The following IL33 variants were observed in gnomAD, a reference collection of about 807,000 sequenced individuals.
The protein encoded by IL33 is interleukin-33.
IL33 carries 37 observed loss-of-function variants against 27.3 expected under a neutral mutation model. The observed-to-expected ratio is 1.36, with a 90% confidence interval of 1.04 to 1.78. The LOEUF is 1.78. IL33 is among the 40% of genes most tolerant of loss of function. IL33 has a pLI of 0.00. For missense variants in IL33, 406 were observed against 311.4 expected, an observed-to-expected ratio of 1.30 and a Z score of -2.29; for synonymous variants, 132 against 102.9, an observed-to-expected ratio of 1.28 and a Z score of -1.71.
chr9:6,249,056 C>G (rs912051914), intron 2 of IL33, among the ~76,000 whole-genome samples: 1 of 152,142 alleles, frequency 6.6e-6, no homozygotes, highest in Admixed American at 6.6e-5. Flanking sequence ...TGTAAAAGCA[C>G]TAAAATATAA....
intron 1 of IL33, among the ~76,000 whole-genome samples, chr9:6,222,923 C>G (rs995402091): frequency 6.6e-6 from 1 of 151,852 alleles, no homozygotes; most frequent in African/African-American, 2.4e-5. Flanking sequence ...CTTTTTAATT[C>G]AGAAATATAT....
At chr9:6,235,936 CACT>C (rs1035348540) in intron 1 of IL33, among the ~76,000 whole-genome samples, 2 of 151,866 alleles carry the variant, frequency 1.3e-5, no homozygotes, top group Admixed American at 1.3e-4. Flanking sequence ...CCAGCAATTC[CACT>C]ACTAGGAGTT....
intron 1 of IL33, among the ~76,000 whole-genome samples, chr9:6,230,347 C>A (rs1818867429): frequency 6.6e-6 from 1 of 152,048 alleles, no homozygotes; most frequent in African/African-American, 2.4e-5. Context: ...CCCCAGGGTC[C>A]AGGAAAGTGG....
At chr9:6,254,603 CATGA>C (rs1816618715) in intron 7 of IL33, 50 bp downstream of exon 7, 1 of 1,084,618 alleles carries the variant, frequency 9.2e-7, no homozygotes, top group African/African-American at 1.6e-5. Context: ...ACAGAACTGT[CATGA>C]ATGACTCCAC....
At chr9:6,247,573 T>A (rs560540296) in intron 2 of IL33, among the ~76,000 whole-genome samples, 2 of 152,294 alleles carry the variant, frequency 1.3e-5, no homozygotes, top group Non-Finnish European at 2.9e-5. Flanking sequence ...TTAAATTAGC[T>A]ATGGGAATTT....
At chr9:6,225,204 G>A (rs533716398) in intron 1 of IL33, among the ~76,000 whole-genome samples, 44 of 152,256 alleles carry the variant, frequency 2.9e-4, no homozygotes, top group African/African-American at 8.9e-4. Context: ...AGTTTCATTG[G>A]TTCCTGGTGA....
In IL33 at chr9:6,238,753, C is replaced by T. The variant is rs147049843; in HGVS notation, c.-11-2931C>T. Among the ~76,000 whole-genome samples the T allele has an allele frequency of 6.3e-3, 951 of 152,154 alleles. 8 individuals carry two copies. Among genetic ancestry groups the T allele is most frequent in the African/African-American group, 0.022 (909 of 41,498 alleles). On this transcript the variant is annotated intron_variant, in intron 1 of 7. Transcript: ENST00000682010. ...GGAGGCCATACTTAAAAAGAAGAAG[C>T]AATAATTATTGATAGAATTGCAGGC...
At chr9:6,242,060 T>C (rs1053520916) in intron 2 of IL33, 9 of 203,220 alleles carry the variant, frequency 4.4e-5, no homozygotes, top group Admixed American at 1.1e-4. Flanking sequence ...TAGCCTTTTA[T>C]ATCAACCACT....
chr9:6,230,114 A>G (rs1818855273), intron 1 of IL33, among the ~76,000 whole-genome samples: 1 of 152,172 alleles, frequency 6.6e-6, no homozygotes, highest in Admixed American at 6.5e-5. Flanking sequence ...AGGTAGTGCC[A>G]ATGTATAGAA....
intron 1 of IL33, among the ~76,000 whole-genome samples, chr9:6,230,363 G>A (rs1381290598): frequency 1.3e-5 from 2 of 152,130 alleles, no homozygotes; most frequent in Non-Finnish European, 2.9e-5. Flanking sequence ...AGTGGCAGAT[G>A]GAAACTTTCA....
intron 1 of IL33, among the ~76,000 whole-genome samples, chr9:6,225,999 G>C (rs918720075): frequency 3.3e-5 from 5 of 151,842 alleles, no homozygotes; most frequent in Admixed American, 3.3e-4. Context: ...TGAAGATGTG[G>C]ATTTTTCTTC....
At chr9:6,236,672 A>G (rs1819230283) in intron 1 of IL33, among the ~76,000 whole-genome samples, 1 of 151,806 alleles carries the variant, frequency 6.6e-6, no homozygotes, top group Non-Finnish European at 1.5e-5. Context: ...GTTCAGGACC[A>G]GCCTGGCCAA....
In IL33 at chr9:6,254,827, C is replaced by T. The variant is rs542162110; in HGVS notation, c.612+274C>T. Reference sequence around the variant, plus strand: ...CCTGTTAGAAATGCAGGATTCTAAGCCCCCCAGAAATAAATCAGAATCAGC... The same window carrying T: ...CCTGTTAGAAATGCAGGATTCTAAGTCCCCCAGAAATAAATCAGAATCAGC... On this transcript the variant is annotated intron_variant, in intron 7 of 7. Coordinates refer to ENST00000682010, the MANE Select transcript of IL33 (RefSeq NM_033439.4). Among the ~76,000 whole-genome samples the T allele has an allele frequency of 7.2e-5, 11 of 152,130 alleles. No homozygotes were observed. The East Asian group carries it at 1.4e-3, about 19-fold the overall frequency.
At chr9:6,224,803 G>A (rs1818558420) in intron 1 of IL33, among the ~76,000 whole-genome samples, 1 of 152,064 alleles carries the variant, frequency 6.6e-6, no homozygotes, top group African/African-American at 2.4e-5. Context: ...CTTGCAAACT[G>A]TTTTCCTTTG....
At chr9:6,253,398 T>C (rs1229341998) in intron 5 of IL33, among the ~76,000 whole-genome samples, 154 bp from the exon 6 acceptor site, 2 of 152,238 alleles carry the variant, frequency 1.3e-5, no homozygotes. Context: ...AGCATATTCG[T>C]GCATTTTTGA....
chr9:6,217,556 A>T (rs1004421182), intron 1 of IL33, among the ~76,000 whole-genome samples: 1 of 152,190 alleles, frequency 6.6e-6, no homozygotes, highest in Non-Finnish European at 1.5e-5. Flanking sequence ...TCTCACTGTC[A>T]GTTTCAAATA....
At chr9:6,220,897 C>T (rs994881797) in intron 1 of IL33, among the ~76,000 whole-genome samples, 1 of 152,028 alleles carries the variant, frequency 6.6e-6, no homozygotes, top group African/African-American at 2.4e-5. Context: ...GAGACCACAG[C>T]CATGTGCTGC....
chr9:6,251,305 A>G, intron 4 of IL33, 40 bp downstream of exon 4: 1 of 1,608,192 alleles, frequency 6.2e-7, no homozygotes, highest in Non-Finnish European at 8.5e-7. Flanking sequence ...GTGAGGAGGG[A>G]GGTATGACAC....
intron 1 of IL33, 65 bp downstream of exon 1, chr9:6,215,917 G>A (rs1026511726): frequency 5.4e-5 from 8 of 149,272 alleles, no homozygotes; most frequent in Non-Finnish European, 8.9e-5. Context: ...GGGAACCATG[G>A]AGAACTGTGT....
Sources: gnomAD v4.1 joint callset for allele counts (sites outside exome capture counted in the v4.1 genomes callset) on GRCh38, gnomAD v4.1.1 for gene constraint, MANE v1.5 for transcripts, NCBI Gene and HGNC (gene_info 2026-07-23, HGNC 2026-07-21) for gene names.